FOXK1: variants seen among roughly 807,000 people sequenced by gnomAD.
The protein encoded by FOXK1 is forkhead box K1.
FOXK1 carries 19 observed loss-of-function variants against 51.9 expected under a neutral mutation model. That is an observed-to-expected ratio of 0.37 (90% CI 0.26 to 0.54). The LOEUF is 0.54. Ranked by LOEUF, FOXK1 falls within the 20% of genes least tolerant of loss-of-function variation. FOXK1 has a pLI of 0.87. For missense variants in FOXK1, 870 were observed against 1,032.7 expected, an observed-to-expected ratio of 0.84 and a Z score of 2.16; for synonymous variants, 537 against 482.6, an observed-to-expected ratio of 1.11 and a Z score of -1.48.
At chr7:4,752,383 G>A (rs1003581080) in intron 2 of FOXK1, among the ~76,000 whole-genome samples, 1 of 152,196 alleles carries the variant, frequency 6.6e-6, no homozygotes, top group African/African-American at 2.4e-5. Flanking sequence ...GGGCTCAAGC[G>A]ATCCTCCTGC....
At chr7:4,732,406 C>T (rs1780489894) in intron 1 of FOXK1, among the ~76,000 whole-genome samples, 1 of 152,218 alleles carries the variant, frequency 6.6e-6, no homozygotes, top group Non-Finnish European at 1.5e-5. Context: ...CATCTTCCCT[C>T]CTCAGCCTCC....
Position 4,747,106 on chromosome 7 carries a change from C to T in FOXK1, c.746+6083C>T, listed in dbSNP as rs768633250. 6.4e-4 allele frequency among the ~76,000 whole-genome samples: 98 copies of T among 152,176 alleles called. 1 individual carries two copies. The Middle Eastern group carries it at 0.017, about 26-fold the overall frequency. ...TGGTAGGGAAGTCCTTGTGTTTGTCCGAATCTGTTGAAAGGACATCCCCAC... is the reference window on the plus strand; with the variant it reads ...TGGTAGGGAAGTCCTTGTGTTTGTCTGAATCTGTTGAAAGGACATCCCCAC... On this transcript the variant is annotated intron_variant, in intron 2 of 8. Coordinates refer to ENST00000328914, the MANE Select transcript of FOXK1 (RefSeq NM_001037165.2). The surrounding 1 kb of genome is among the most constrained non-coding windows in gnomAD (Gnocchi z 9.2).
In FOXK1 at chr7:4,682,533, C is replaced by G; in HGVS notation, c.225C>G (p.Ser75=). The change falls in exon 1 of 9, where the codon TCC becomes TCG. Residue 75 remains serine, a synonymous_variant. Coordinates refer to ENST00000328914, the MANE Select transcript of FOXK1 (RefSeq NM_001037165.2). The surrounding 1 kb of genome is among the most constrained non-coding windows in gnomAD (Gnocchi z 7.6). ...IAGAGSSGGS[S]GVSGDSAVAG... Reference sequence around the variant, plus strand: ...GCGCGGGCTCCTCCGGGGGCTCCTCCGGGGTATCCGGGGACTCCGCGGTCG... The same window carrying G: ...GCGCGGGCTCCTCCGGGGGCTCCTCGGGGGTATCCGGGGACTCCGCGGTCG... 1 of 1,127,318 alleles carries G rather than the reference C, an allele frequency of 8.9e-7. No homozygotes were observed. Among genetic ancestry groups the G allele is most frequent in the Non-Finnish European group, 1.1e-6 (1 of 924,350 alleles). The allele number at this position is 1,127,318 out of a possible 1,614,324, so 69.8% of individuals were successfully genotyped here.
rs1491183158 is a variant in FOXK1, at chr7:4,705,984, G to GTATATATATATACGTATATATACGTATA, written c.560+23124_560+23125insTATACGTATATATACGTATATATATATA. ...TGTATATATATATACGTATATATAC[G>GTATATATATATACGTATATATACGTATA]TATATATACGTATATATACGTATAT... On this transcript the variant is annotated intron_variant, in intron 1 of 8. Coordinates refer to ENST00000328914, the MANE Select transcript of FOXK1 (RefSeq NM_001037165.2). Among the ~76,000 whole-genome samples the GTATATATATATACGTATATATACGTATA allele has an allele frequency of 3.1e-4, 27 of 87,926 alleles. 3 individuals carry two copies. Among genetic ancestry groups the GTATATATATATACGTATATATACGTATA allele is most frequent in the African/African-American group, 2.5e-3 (26 of 10,528 alleles). 57.7% of individuals were successfully genotyped at this position (87,926 alleles called of 152,430 possible). A position where few individuals can be genotyped will look rare whatever the true frequency, so the allele number is the denominator to read the frequency against.
chr7:4,712,519 T>A (rs1267490621), intron 1 of FOXK1, among the ~76,000 whole-genome samples: 1 of 152,174 alleles, frequency 6.6e-6, no homozygotes, highest in Non-Finnish European at 1.5e-5. Flanking sequence ...CAGAGGCAGC[T>A]GAACCCATTT....
Position 4,749,141 on chromosome 7 carries a change from C to T in FOXK1, c.747-5318C>T, listed in dbSNP as rs1383350670. Among the ~76,000 whole-genome samples the T allele has an allele frequency of 2.0e-5, 3 of 152,140 alleles. No homozygotes were observed. Among genetic ancestry groups the T allele is most frequent in the Admixed American group, 6.6e-5 (1 of 15,264 alleles). On this transcript the variant is annotated intron_variant, in intron 2 of 8. Coordinates refer to ENST00000328914, the MANE Select transcript of FOXK1 (RefSeq NM_001037165.2). This position sits in a 1 kb window ranked among gnomAD's most constrained non-coding sequence, Gnocchi z 6.0. Reference sequence around the variant, plus strand: ...ATTTGTATTTCTCTTCTTTTGAATTCTTATTTTTTAATTTGAAGAGCGTGT... The same window carrying T: ...ATTTGTATTTCTCTTCTTTTGAATTTTTATTTTTTAATTTGAAGAGCGTGT...
intron 1 of FOXK1, among the ~76,000 whole-genome samples, chr7:4,739,607 CTTTG>C (rs1741532451): frequency 6.6e-6 from 1 of 152,196 alleles, no homozygotes; most frequent in South Asian, 2.1e-4. Flanking sequence ...TTGCGGCTGG[CTTTG>C]TTTGCACTTG....
Position 4,747,499 on chromosome 7 carries a change from G to C in FOXK1, c.746+6476G>C, listed in dbSNP as rs1248048424. On this transcript the variant is annotated intron_variant, in intron 2 of 8. Coordinates refer to ENST00000328914, the MANE Select transcript of FOXK1 (RefSeq NM_001037165.2). The surrounding 1 kb of genome is among the most constrained non-coding windows in gnomAD (Gnocchi z 9.2). ...TATTTTCTAAATTATTATTTTTAAT[G>C]CTGGTTCCAATTTGGGTTTGGGGGG... 6.6e-6 allele frequency among the ~76,000 whole-genome samples: 1 copy of C among 152,178 alleles called. No homozygotes were observed. The highest frequency in any genetic ancestry group is 2.1e-4 in the South Asian group (1 of 4,828).
Position 4,745,007 on chromosome 7 carries a change from A to G in FOXK1, c.746+3984A>G, listed in dbSNP as rs1173031259. ...GAGGCCCTTGAGGTTTTCCCTGCCA[A>G]GATACTTTTCAGTTTGAGTTTCTGC... On this transcript the variant is annotated intron_variant, in intron 2 of 8. Coordinates refer to ENST00000328914, the MANE Select transcript of FOXK1 (RefSeq NM_001037165.2). The surrounding 1 kb of genome is among the most constrained non-coding windows in gnomAD (Gnocchi z 4.3). 6.6e-6 allele frequency among the ~76,000 whole-genome samples: 1 copy of G among 152,182 alleles called. No homozygotes were observed. Among genetic ancestry groups the G allele is most frequent in the Non-Finnish European group, 1.5e-5 (1 of 68,034 alleles).
rs149763204 is a variant in FOXK1 at position 4,724,831 on chromosome 7, T to C, written c.561-16007T>C. ...GGTGGGCGGTGATCCTCTGGGTAGCTCTCTGCCCACCTCTTCTGAGACTCC... is the reference window on the plus strand; with the variant it reads ...GGTGGGCGGTGATCCTCTGGGTAGCCCTCTGCCCACCTCTTCTGAGACTCC... On this transcript the variant is annotated intron_variant, in intron 1 of 8. Coordinates refer to ENST00000328914, the MANE Select transcript of FOXK1 (RefSeq NM_001037165.2). Among the ~76,000 whole-genome samples, 849 of 152,284 alleles carry C rather than the reference T, an allele frequency of 5.6e-3. 12 individuals are homozygous for C. The highest frequency in any genetic ancestry group is 0.02 in the African/African-American group (814 of 41,554).
At chr7:4,692,671 C>T (rs897185595) in intron 1 of FOXK1, among the ~76,000 whole-genome samples, 6 of 152,230 alleles carry the variant, frequency 3.9e-5, no homozygotes, top group African/African-American at 1.4e-4. Flanking sequence ...GCCTCAGCCA[C>T]CCAAAGTGCT....
At chr7:4,691,808 A>T (rs938522763) in intron 1 of FOXK1, among the ~76,000 whole-genome samples, 2 of 152,180 alleles carry the variant, frequency 1.3e-5, no homozygotes, top group African/African-American at 2.4e-5. Context: ...TACCCAGGGC[A>T]AGAGGCCCTG....
chr7:4,704,344 G>A (rs909672603), intron 1 of FOXK1, among the ~76,000 whole-genome samples: 2 of 151,344 alleles, frequency 1.3e-5, no homozygotes, highest in Non-Finnish European at 2.9e-5. Flanking sequence ...CCAGCTACTC[G>A]GGTGGCTGAG....
Position 4,730,637 on chromosome 7 carries a change from C to T in FOXK1, c.561-10201C>T, listed in dbSNP as rs186396865. 7.2e-5 allele frequency among the ~76,000 whole-genome samples: 11 copies of T among 152,304 alleles called. No individual in the cohort carries two copies. Among genetic ancestry groups the T allele is most frequent in the Non-Finnish European group, 1.0e-4 (7 of 68,030 alleles). On this transcript the variant is annotated intron_variant, in intron 1 of 8. Coordinates refer to ENST00000328914, the MANE Select transcript of FOXK1 (RefSeq NM_001037165.2). The surrounding 1 kb of genome is among the most constrained non-coding windows in gnomAD (Gnocchi z 4.7). The stretch of plus-strand genomic sequence containing the variant: ...CGCCACACTTGAGACGTCCTTGCTG[C>T]GGGTTCGTCTGTAACCTGTGTCCCT...
intron 1 of FOXK1, among the ~76,000 whole-genome samples, chr7:4,701,569 G>A (rs1003747936): frequency 2.6e-5 from 4 of 152,120 alleles, no homozygotes; most frequent in Admixed American, 6.6e-5. Flanking sequence ...CAGTCTGGGC[G>A]ACATAGCAAG....
At chr7:4,746,926 T>C (rs1425675081) in intron 2 of FOXK1, among the ~76,000 whole-genome samples, 1 of 152,184 alleles carries the variant, frequency 6.6e-6, no homozygotes, top group Non-Finnish European at 1.5e-5. Flanking sequence ...CACCCTCTTA[T>C]GTCTTTTCCC....
intron 1 of FOXK1, among the ~76,000 whole-genome samples, chr7:4,736,873 C>T (rs1369929101): frequency 6.6e-6 from 1 of 152,206 alleles, no homozygotes; most frequent in Non-Finnish European, 1.5e-5. Flanking sequence ...CTCAAATCCG[C>T]ACACCTTACG....
Position 4,723,163 on chromosome 7 carries a change from G to A in FOXK1, c.561-17675G>A, listed in dbSNP as rs1780337085. ...AGCGGAGCCAGCTTCAAAGCACTGG[G>A]TCCAGGGCGCCTGCTCGCGGTCACC... On this transcript the variant is annotated intron_variant, in intron 1 of 8. Transcript: ENST00000328914. This position sits in a 1 kb window ranked among gnomAD's most constrained non-coding sequence, Gnocchi z 4.7. Among the ~76,000 whole-genome samples, 1 of 151,872 alleles carries A rather than the reference G, an allele frequency of 6.6e-6. No individual in the cohort carries two copies. The highest frequency in any genetic ancestry group is 2.4e-5 in the African/African-American group (1 of 41,322).
intron 1 of FOXK1, among the ~76,000 whole-genome samples, chr7:4,728,201 A>G (rs999224437): frequency 6.6e-6 from 1 of 152,150 alleles, no homozygotes; most frequent in Non-Finnish European, 1.5e-5. Flanking sequence ...TTGCCTGCCA[A>G]ACGTTCTCTG....
Sources: gnomAD v4.1 joint callset for allele counts (sites outside exome capture counted in the v4.1 genomes callset) on GRCh38, gnomAD v4.1.1 for gene constraint, Gnocchi (gnomAD v3.1) non-coding constraint, MANE v1.5 for transcripts, NCBI Gene and HGNC (gene_info 2026-07-23, HGNC 2026-07-21) for gene names.